ZFHX3: variants seen among roughly 807,000 people sequenced by gnomAD.
ZFHX3 encodes zinc finger homeobox protein 3.
In ZFHX3, 42 loss-of-function variants were observed where a neutral mutation model predicts 279.1. That is an observed-to-expected ratio of 0.15 (90% CI 0.12 to 0.19). The LOEUF (loss-of-function observed/expected upper bound fraction) is 0.19. Among genes scored for constraint, ZFHX3 ranks in the 10% least tolerant of loss-of-function variants. The pLI is 1.00. For synonymous variants in ZFHX3, 2,293 were observed against 1,957.8 expected (o/e 1.17, Z -4.52); for missense variants, 4,981 against 4,754.0 (o/e 1.05, Z -1.40).
chr16:73,050,462 C>T (rs1965429335), upstream of ZFHX3, among the ~76,000 whole-genome samples: 1 of 152,236 alleles, frequency 6.6e-6, no homozygotes, highest in Non-Finnish European at 1.5e-5. Flanking sequence ...AGGTAATCCA[C>T]AGGCAGGTGA....
At chr16:72,896,710 T>C (rs971883697) in intron 3 of ZFHX3, among the ~76,000 whole-genome samples, 14 of 152,330 alleles carry the variant, frequency 9.2e-5, no homozygotes, top group Admixed American at 5.2e-4. Context: ...TCAGAGAACA[T>C]TGATTTCTAT....
chr16:73,264,662 A>G (rs1033783802), intron 4 of ZFHX3, among the ~76,000 whole-genome samples: 1 of 151,594 alleles, frequency 6.6e-6, no homozygotes, highest in Non-Finnish European at 1.5e-5. Context: ...GTGATTTGTG[A>G]GATTTCAGTG....
At chr16:73,284,761 T>C (rs894342992) in intron 4 of ZFHX3, among the ~76,000 whole-genome samples, 1 of 152,224 alleles carries the variant, frequency 6.6e-6, no homozygotes, top group African/African-American at 2.4e-5. Context: ...TTTGCTTCTA[T>C]TTTTTCAATA....
intron 2 of ZFHX3, among the ~76,000 whole-genome samples, chr16:73,475,677 A>G (rs1453259589): frequency 6.6e-6 from 1 of 152,148 alleles, no homozygotes; most frequent in Non-Finnish European, 1.5e-5. Flanking sequence ...GATTATAATA[A>G]CATTTCTAAT....
chr16:73,436,662 C>T (rs956495560), intron 3 of ZFHX3, among the ~76,000 whole-genome samples: 1 of 152,052 alleles, frequency 6.6e-6, no homozygotes, highest in Non-Finnish European at 1.5e-5. Flanking sequence ...TATCAAGAAG[C>T]CATGAATTCT....
chr16:73,027,394 G>A (rs1379083174), intron 1 of ZFHX3, among the ~76,000 whole-genome samples: 2 of 152,198 alleles, frequency 1.3e-5, no homozygotes, highest in African/African-American at 4.8e-5. Flanking sequence ...ACGTAACCCA[G>A]GCTCCAGGTA....
At chr16:73,292,116 G>C (rs2014786826) in intron 4 of ZFHX3, among the ~76,000 whole-genome samples, 1 of 152,128 alleles carries the variant, frequency 6.6e-6, no homozygotes, top group Non-Finnish European at 1.5e-5. Flanking sequence ...ATAGATTGGG[G>C]AGGAAACCCT....
At chr16:72,928,550 A>G (rs1015322864) in intron 3 of ZFHX3, among the ~76,000 whole-genome samples, 2 of 152,170 alleles carry the variant, frequency 1.3e-5, no homozygotes, top group African/African-American at 4.8e-5. Flanking sequence ...TCTAGGCCCA[A>G]GCTCCACAGA....
At chr16:73,510,542 T>C (rs927594767) in intron 2 of ZFHX3, among the ~76,000 whole-genome samples, 4 of 152,212 alleles carry the variant, frequency 2.6e-5, no homozygotes. Flanking sequence ...GACTGTTTTG[T>C]TCACTTTGAA....
intron 3 of ZFHX3, among the ~76,000 whole-genome samples, chr16:73,433,691 A>T (rs186300082): frequency 6.6e-6 from 1 of 152,010 alleles, no homozygotes; most frequent in East Asian, 1.9e-4. Context: ...TGTGTCCTTA[A>T]CTCTCTGGGG....
At chr16:73,808,475 T>C (rs947760389) in intron 1 of ZFHX3, 3 of 152,200 alleles carry the variant, frequency 2.0e-5, no homozygotes, top group Non-Finnish European at 2.9e-5. Flanking sequence ...GTTTCAGGTA[T>C]ACAGAAGATG....
chr16:73,495,132 A>T (rs192522926), intron 2 of ZFHX3, among the ~76,000 whole-genome samples: 27 of 152,300 alleles, frequency 1.8e-4, no homozygotes, highest in Middle Eastern at 3.4e-3. Context: ...ATGGATTGAT[A>T]CTTATGACTG....
chr16:73,380,490 G>A (rs936259362), intron 3 of ZFHX3, among the ~76,000 whole-genome samples: 23 of 152,120 alleles, frequency 1.5e-4, no homozygotes, highest in Non-Finnish European at 2.6e-4. Flanking sequence ...TCACTTTTGT[G>A]TTGATATATC....
intron 7 of ZFHX3, chr16:72,808,013 T>C (rs1316778538): frequency 1.3e-5 from 2 of 152,214 alleles, no homozygotes; most frequent in Non-Finnish European, 2.9e-5. Flanking sequence ...TTCATCATGC[T>C]GTTTTCACTT....
chr16:73,587,604 A>T (rs192293227), intron 2 of ZFHX3, among the ~76,000 whole-genome samples: 1 of 152,360 alleles, frequency 6.6e-6, no homozygotes, highest in Admixed American at 6.5e-5. Context: ...GAATTGGGCT[A>T]CGACATGTGT....
At chr16:73,187,742 G>A (rs905606099) in intron 5 of ZFHX3, among the ~76,000 whole-genome samples, 2 of 152,218 alleles carry the variant, frequency 1.3e-5, no homozygotes, top group African/African-American at 2.4e-5. Context: ...GTGAAGTGGT[G>A]ACACTTTCAT....
intron 3 of ZFHX3, among the ~76,000 whole-genome samples, chr16:72,896,167 T>C (rs1395460710): frequency 6.6e-6 from 1 of 152,116 alleles, no homozygotes; most frequent in African/African-American, 2.4e-5. Flanking sequence ...TTGGCACACG[T>C]TCGGGGGTCA....
intron 4 of ZFHX3, among the ~76,000 whole-genome samples, chr16:73,275,319 T>C (rs1402252360): frequency 6.6e-6 from 1 of 152,172 alleles, no homozygotes; most frequent in Non-Finnish European, 1.5e-5. Flanking sequence ...GCCCTCCTGA[T>C]AGGAAATCTG....
At position 72,795,218 on chromosome 16, in the gene ZFHX3, G is replaced by A. The variant is rs2035861276; in HGVS notation, c.7464C>T (p.Pro2488=). Residue 2488 remains proline (P), a synonymous_variant, in exon 9 of 10, where the codon CCC becomes CCT. Coordinates refer to ENST00000268489, the MANE Select transcript of ZFHX3 (RefSeq NM_006885.4). ...PSLPQPPPQA[P]PPQCPLPQSS... is the part of the protein sequence containing the mutation. ...ACTGGGGTAAGGGGCACTGTGGAGG[G>A]GGCGCTTGTGGAGGAGGCTGTGGCA... 1.9e-6 allele frequency: 3 copies of A among 1,608,088 alleles called. No homozygotes were observed. The highest frequency in any genetic ancestry group is 1.7e-6 in the Non-Finnish European group (2 of 1,176,840).
Sources: gnomAD v4.1 joint callset for allele counts (sites outside exome capture counted in the v4.1 genomes callset) on GRCh38, gnomAD v4.1.1 for gene constraint, MANE v1.5 for transcripts, NCBI Gene and HGNC (gene_info 2026-07-23, HGNC 2026-07-21) for gene names.